CUL2: variants seen among roughly 807,000 people sequenced by gnomAD.
CUL2 encodes the protein cullin 2, also known as cullin-2.
Under a neutral mutation model 110.2 loss-of-function variants are expected in CUL2, and 22 were observed. That is an observed-to-expected ratio of 0.20 (90% CI 0.14 to 0.28). The LOEUF is 0.28. Ranked by LOEUF, CUL2 falls within the 10% of genes least tolerant of loss-of-function variation. The pLI is 1.00. For missense variants in CUL2, 631 were observed against 905.5 expected, an observed-to-expected ratio of 0.70 and a Z score of 3.89; for synonymous variants, 279 against 293.2, an observed-to-expected ratio of 0.95 and a Z score of 0.49.
intron 17 of CUL2, among the ~76,000 whole-genome samples, chr10:35,021,987 C>T (rs2085213568): frequency 6.6e-6 from 1 of 152,036 alleles, no homozygotes; most frequent in Admixed American, 6.5e-5. Context: ...AGAAGACTTC[C>T]CTCGCAAGGA....
intron 1 of CUL2, among the ~76,000 whole-genome samples, chr10:35,083,211 C>T (rs769782135): frequency 1.3e-5 from 2 of 151,292 alleles, no homozygotes; most frequent in Non-Finnish European, 2.9e-5. Context: ...TATTTCCCAC[C>T]GTCAGAAAAT....
At chr10:35,041,326 GA>G (rs1411651592) in intron 8 of CUL2, among the ~76,000 whole-genome samples, 2 of 152,136 alleles carry the variant, frequency 1.3e-5, no homozygotes, top group Non-Finnish European at 2.9e-5. Flanking sequence ...CATATCAAGA[GA>G]AATGTAGAGA....
At chr10:35,095,766 G>A (rs929185948) in intron 2 of CUL2, among the ~76,000 whole-genome samples, 1 of 152,022 alleles carries the variant, frequency 6.6e-6, no homozygotes, top group Non-Finnish European at 1.5e-5. Context: ...TCACCATATT[G>A]GCCAGGCTGG....
At chr10:35,011,616 T>TCAA (rs928738417) in intron 20 of CUL2, among the ~76,000 whole-genome samples, 5 of 152,066 alleles carry the variant, frequency 3.3e-5, no homozygotes, top group African/African-American at 7.2e-5. Flanking sequence ...AGACTCTGTC[T>TCAA]CAACAACAAC....
intron 1 of CUL2, among the ~76,000 whole-genome samples, chr10:35,116,602 A>T (rs1324391710): frequency 6.6e-6 from 1 of 152,080 alleles, no homozygotes; most frequent in African/African-American, 2.4e-5. Flanking sequence ...TTATGATGTA[A>T]GAATATGACT....
intron 20 of CUL2, among the ~76,000 whole-genome samples, chr10:35,010,693 C>G (rs2084878142): frequency 6.6e-6 from 1 of 152,208 alleles, no homozygotes; most frequent in African/African-American, 2.4e-5. Context: ...TTTAACTCAA[C>G]TCTCAGCTCT....
chr10:35,077,735 T>C (rs746451648), intron 1 of CUL2, among the ~76,000 whole-genome samples: 4 of 150,928 alleles, frequency 2.7e-5, no homozygotes, highest in Non-Finnish European at 5.9e-5. Flanking sequence ...GAGAATCGCT[T>C]GAACCCAGGA....
chr10:35,012,379 T>C lies in CUL2; in HGVS notation c.1990-415A>G, dbSNP rs559336810. On this transcript the variant is annotated intron_variant, in intron 19 of 20. Coordinates refer to ENST00000374749, the MANE Select transcript of CUL2 (RefSeq NM_003591.4). The stretch of plus-strand genomic sequence containing the variant: ...GAGGACACAGCAATAATTTGCAAGA[T>C]CATTTTCTTATCAGTGATTACAGAA... 2.0e-4 allele frequency among the ~76,000 whole-genome samples: 31 copies of C among 152,252 alleles called. No individual in the cohort carries two copies. The South Asian group carries it at 4.8e-3, about 23-fold the overall frequency.
chr10:35,107,503 C>T (rs1259195220), intron 1 of CUL2, among the ~76,000 whole-genome samples: 5 of 152,046 alleles, frequency 3.3e-5, no homozygotes, highest in Non-Finnish European at 7.4e-5. Flanking sequence ...AGAAATGTGT[C>T]CTTTAATGTT....
intron 1 of CUL2, chr10:35,118,091 C>T (rs986671858): frequency 6.6e-6 from 1 of 152,184 alleles, no homozygotes; most frequent in African/African-American, 2.4e-5. Flanking sequence ...CAGTGATGTA[C>T]ATTCAATGGG....
chr10:35,114,033 G>A (rs1228264133), intron 1 of CUL2, among the ~76,000 whole-genome samples: 6 of 150,150 alleles, frequency 4.0e-5, no homozygotes, highest in African/African-American at 1.2e-4. Context: ...TCAGCCTCCC[G>A]AGTAGCTGGG....
chr10:35,091,738 A>G (rs2087208521), upstream of CUL2, among the ~76,000 whole-genome samples: 1 of 151,790 alleles, frequency 6.6e-6, no homozygotes, highest in African/African-American at 2.4e-5. Flanking sequence ...CTCCTGTCTC[A>G]GCTTCCCGAG....
At chr10:35,102,221 C>A (rs1029208064) in intron 1 of CUL2, among the ~76,000 whole-genome samples, 3 of 151,388 alleles carry the variant, frequency 2.0e-5, no homozygotes, top group Non-Finnish European at 4.4e-5. Context: ...GGTGACAGAG[C>A]GAGACTCCAT....
intron 17 of CUL2, among the ~76,000 whole-genome samples, chr10:35,021,535 C>T (rs146929643): frequency 6.6e-6 from 1 of 151,418 alleles, no homozygotes; most frequent in Non-Finnish European, 1.5e-5. Context: ...ATATTAATGT[C>T]AATTTTAATG....
chr10:35,019,822 T>C (rs1307295100), intron 17 of CUL2, among the ~76,000 whole-genome samples: 1 of 152,186 alleles, frequency 6.6e-6, no homozygotes, highest in Non-Finnish European at 1.5e-5. Context: ...ATGAAACAAC[T>C]GATTCTGGCA....
At chr10:35,071,907 T>C (rs2086691574) in intron 1 of CUL2, among the ~76,000 whole-genome samples, 2 of 152,184 alleles carry the variant, frequency 1.3e-5, no homozygotes, top group African/African-American at 4.8e-5. Context: ...ATCAAGGGTA[T>C]AGTTTCAAAG....
At chr10:35,075,631 C>T (rs1235627372) in intron 1 of CUL2, among the ~76,000 whole-genome samples, 1 of 124,182 alleles carries the variant, frequency 8.1e-6, no homozygotes, top group East Asian at 2.5e-4. Context: ...CTTATGGGCC[C>T]TAAAACACAC....
At chr10:35,114,238 T>C (rs2087562276) in intron 1 of CUL2, among the ~76,000 whole-genome samples, 1 of 150,090 alleles carries the variant, frequency 6.7e-6, no homozygotes. Flanking sequence ...TTTTTCTTTT[T>C]CTTTTAGTAG....
intron 1 of CUL2, among the ~76,000 whole-genome samples, chr10:35,107,509 ATGT>A (rs2087474398): frequency 6.6e-6 from 1 of 152,112 alleles, no homozygotes; most frequent in Non-Finnish European, 1.5e-5. Flanking sequence ...GTGTCCTTTA[ATGT>A]TGTTGTATCT....
Sources: allele counts gnomAD v4.1 joint callset (sites outside exome capture counted in the v4.1 genomes callset), GRCh38; gene constraint gnomAD v4.1.1; transcripts MANE v1.5; gene names NCBI Gene and HGNC (gene_info 2026-07-23, HGNC 2026-07-21).